ABCC2: variants seen among roughly 807,000 people sequenced by gnomAD.
The protein encoded by ABCC2 is ATP binding cassette subfamily C member 2, also known as ATP-binding cassette sub-family C member 2.
ABCC2 carries 157 observed loss-of-function variants against 173.4 expected under a neutral mutation model. The ratio of observed to expected loss-of-function variants is 0.91; its 90% CI spans 0.80 to 1.03. The LOEUF is 1.03. Among genes scored for constraint, ABCC2 ranks in the 50% least tolerant of loss-of-function variants. ABCC2 has a pLI of 0.00. For synonymous variants in ABCC2, 657 were observed against 693.5 expected (o/e 0.95, Z 0.83); for missense variants, 1,822 against 1,852.3 (o/e 0.98, Z 0.30).
chr10:99,793,623 TG>T lies in ABCC2; in HGVS notation c.408del (p.Trp136Ter). On this transcript the variant is annotated frameshift_variant, in exon 4 of 32. Coordinates refer to ENST00000647814, the MANE Select transcript of ABCC2 (RefSeq NM_000392.5). LOFTEE classifies it high-confidence loss of function. ...AAACTCCTGGTTCCTGTCCCTATTCTGGATTCTCTCGATACTCTGTGGCACT... is the reference window on the plus strand; with the variant it reads ...AAACTCCTGGTTCCTGTCCCTATTCTGATTCTCTCGATACTCTGTGGCACT... ...QKNSWFLSLFWILSILCGTFQ... is the reference protein window; with the variant it reads ...QKNSWFLSLFXILSILCGTFQ... The T allele has an allele frequency of 6.2e-7, 1 of 1,614,148 alleles. No homozygotes were observed.
chr10:99,808,196 C>G lies in ABCC2; in HGVS notation c.1782C>G (p.Ser594Arg). The G allele has an allele frequency of 6.2e-7, 1 of 1,614,138 alleles. No individual in the cohort carries two copies. The change falls in exon 13 of 32, where the codon AGC (serine) becomes AGG (arginine). Residue 594 changes from serine to arginine, a missense_variant. Physicochemically the swap from Ser to Arg is moderately radical, Grantham distance 110. Coordinates refer to ENST00000647814, the MANE Select transcript of ABCC2 (RefSeq NM_000392.5). ...TCAATATCCTGCGCTTTCCCCTGAG[C>G]ATGCTTCCCATGATGATCTCCTCCA... ...TLFNILRFPL[S>R]MLPMMISSML...
At chr10:99,805,819 A>C (rs564608905) in intron 11 of ABCC2, among the ~76,000 whole-genome samples, 1 of 152,322 alleles carries the variant, frequency 6.6e-6, no homozygotes, top group Admixed American at 6.5e-5. Flanking sequence ...CAAATCTCAG[A>C]GATCTTGTCA....
In ABCC2 at chr10:99,818,967, C is replaced by T. The variant is rs1315887347; in HGVS notation, c.2439+10C>T. 6 of 1,418,848 alleles carry T rather than the reference C, an allele frequency of 4.2e-6. No homozygotes were observed. The African/African-American group carries it at 8.6e-5, about 20-fold the overall frequency. The allele number at this position is 1,418,848 out of a possible 1,614,324, so 87.9% of individuals were successfully genotyped here. ...CCTGTTGAAAGGCAAGGTGAGAAAT[C>T]ATTGAACATGATGAAGATATAAAGG... On this transcript the variant is annotated intron_variant, in intron 18 of 31. Coordinates refer to ENST00000647814, the MANE Select transcript of ABCC2 (RefSeq NM_000392.5).
intron 12 of ABCC2, among the ~76,000 whole-genome samples, chr10:99,807,855 T>C (rs1298951975): frequency 1.3e-5 from 2 of 151,948 alleles, no homozygotes; most frequent in African/African-American, 2.4e-5. Flanking sequence ...AACACTGATA[T>C]AGGATCCAGG....
chr10:99,830,928 T>C (rs769402998), intron 21 of ABCC2, 77 bp downstream of exon 21: 48 of 1,532,240 alleles, frequency 3.1e-5, no homozygotes, highest in East Asian at 4.5e-5. Context: ...TCAGTGAAAA[T>C]TGAACGCATA....
At chr10:99,840,327 C>CT (rs2038915302) in intron 25 of ABCC2, among the ~76,000 whole-genome samples, 1 of 143,666 alleles carries the variant, frequency 7.0e-6, no homozygotes. Flanking sequence ...GTCAGCGCCG[C>CT]GACTGTCCTG....
chr10:99,806,077 C>CTCTGTGTGTGTGTGTGTGTGTGTG (rs10644836), intron 11 of ABCC2, among the ~76,000 whole-genome samples: 128 of 148,136 alleles, frequency 8.6e-4, no homozygotes, highest in African/African-American at 2.8e-3. Flanking sequence ...CTCTCTCTGT[C>CTCTGTGTGTGTGTGTGTGTGTGTG]TGTGTGTGTG....
chr10:99,818,901 G>A lies in ABCC2; in HGVS notation c.2383G>A (p.Val795Ile). ...DDPLSAVDAH[V>I]GKHIFNKVLG... The stretch of plus-strand genomic sequence containing the variant: ...CCCCCTGTCTGCAGTGGATGCTCAT[G>A]TAGGAAAACATATTTTTAATAAGGT... Residue 795 changes from valine to isoleucine, a missense_variant, in exon 18 of 32, where the codon GTA (valine) becomes ATA (isoleucine). Val to Ile is a conservative substitution (Grantham distance 29). Coordinates refer to ENST00000647814, the MANE Select transcript of ABCC2 (RefSeq NM_000392.5). The A allele has an allele frequency of 1.9e-6, 3 of 1,613,614 alleles. No individual in the cohort carries two copies. Among genetic ancestry groups the A allele is most frequent in the South Asian group, 1.1e-5 (1 of 91,070 alleles).
In ABCC2 at chr10:99,792,539, G is replaced by C. The variant is rs548958784; in HGVS notation, c.333+180G>C. ...AAATTTTAGCTTTTCATCTTCATTTGAGCATTAATGTATAGAGGCTTCTTC... is the reference window on the plus strand; with the variant it reads ...AAATTTTAGCTTTTCATCTTCATTTCAGCATTAATGTATAGAGGCTTCTTC... On this transcript the variant is annotated intron_variant, in intron 3 of 31. Transcript: ENST00000647814. Among the ~76,000 whole-genome samples the C allele has an allele frequency of 3.9e-5, 6 of 152,308 alleles. No individual in the cohort carries two copies. In the East Asian group the frequency reaches 1.2e-3, roughly 29 times the overall value.
intron 19 of ABCC2, among the ~76,000 whole-genome samples, chr10:99,825,924 G>A (rs1253808929): frequency 6.6e-6 from 1 of 152,236 alleles, no homozygotes; most frequent in African/African-American, 2.4e-5. Context: ...AAAACCCTGA[G>A]GAACAAATGG....
Position 99,842,088 on chromosome 10 carries a change from C to T in ABCC2, c.3736C>T (p.Leu1246Phe). The change falls in exon 26 of 32, where the codon CTC becomes TTC. Residue 1246 changes from leucine (L) to phenylalanine (F), a missense_variant. Leu to Phe is a conservative substitution (Grantham distance 22). Transcript: ENST00000647814. ...DTVGFVLSNA[L>F]NITQTLNWLV... is the part of the protein sequence containing the mutation. ...TGTTGGCTTTGTTCTGTCCAATGCA[C>T]TCAATGTGAGTTTGAAGGTTGGGAG... 6.2e-7 allele frequency: 1 copy of T among 1,614,154 alleles called. No individual in the cohort carries two copies. The highest frequency in any genetic ancestry group is 8.5e-7 in the Non-Finnish European group (1 of 1,180,020).
rs138121128 is a variant in ABCC2, at chr10:99,797,120, G to A, written c.656G>A (p.Arg219His). 121 of 1,614,124 alleles carry A rather than the reference G, an allele frequency of 7.5e-5. 1 individual carries two copies. The South Asian group carries it at 1.0e-3, about 13-fold the overall frequency. ...YDSIILKGYK[R>H]PLTLEDVWEV... Reference sequence around the variant, plus strand: ...AGCATCATTCTGAAAGGCTACAAGCGTCCTCTGACACTCGAGGATGTCTGG... The same window carrying A: ...AGCATCATTCTGAAAGGCTACAAGCATCCTCTGACACTCGAGGATGTCTGG... Residue 219 changes from arginine to histidine, a missense_variant, in exon 7 of 32, where the codon CGT becomes CAT. Coordinates refer to ENST00000647814, the MANE Select transcript of ABCC2 (RefSeq NM_000392.5).
chr10:99,804,207 T>A lies in ABCC2; in HGVS notation c.1398T>A (p.Gly466=), dbSNP rs1372772351. 1 of 1,613,976 alleles carries A rather than the reference T, an allele frequency of 6.2e-7. No individual in the cohort carries two copies. Among genetic ancestry groups the A allele is most frequent in the African/African-American group, 1.3e-5 (1 of 74,910 alleles). ...AGTTGGGACCCTCAGTCTTAGCAGG[T>A]GTTGGGGTGATGGTGCTTGTAATCC... ...WRELGPSVLA[G]VGVMVLVIPI... Residue 466 remains glycine (G), a synonymous_variant, in exon 10 of 32, where the codon GGT becomes GGA. Transcript: ENST00000647814.
In ABCC2 at chr10:99,800,575, A is replaced by G. The variant is rs1347908337; in HGVS notation, c.1209+12A>G. On this transcript the variant is annotated intron_variant, in intron 9 of 31. Transcript: ENST00000647814. Reference sequence around the variant, plus strand: ...CTGTATATAAGAAGGTAAGCAGAATACGGCAGGTATCACCAAAGAAAATCC... The same window carrying G: ...CTGTATATAAGAAGGTAAGCAGAATGCGGCAGGTATCACCAAAGAAAATCC... The G allele has an allele frequency of 6.2e-7, 1 of 1,614,070 alleles. No homozygotes were observed. Among genetic ancestry groups the G allele is most frequent in the Non-Finnish European group, 8.5e-7 (1 of 1,179,968 alleles).
intron 5 of ABCC2, 147 bp downstream of exon 5, chr10:99,794,146 T>A: frequency 1.6e-6 from 1 of 623,624 alleles, no homozygotes; most frequent in Non-Finnish European, 2.5e-6. Flanking sequence ...AAACAGATAG[T>A]GATGAGAGTA....
chr10:99,813,318 G>A (rs867607806), intron 16 of ABCC2, among the ~76,000 whole-genome samples, 174 bp downstream of exon 16: 11 of 152,294 alleles, frequency 7.2e-5, no homozygotes, highest in Middle Eastern at 6.8e-3. Flanking sequence ...TCAGTTGCTG[G>A]GGGTAAGATT....
At chr10:99,835,350 G>C (rs965360477) in intron 24 of ABCC2, among the ~76,000 whole-genome samples, 4 of 152,066 alleles carry the variant, frequency 2.6e-5, no homozygotes. Context: ...ACAAGAAGCA[G>C]GGTTATTGGA....
chr10:99,846,939 C>G, intron 29 of ABCC2, 22 bp from the exon 30 acceptor site: 1 of 1,614,028 alleles, frequency 6.2e-7, no homozygotes. Context: ...CCCCAACAGC[C>G]CCCTTGTCCT....
At chr10:99,824,387 A>G (rs77757770) in intron 19 of ABCC2, among the ~76,000 whole-genome samples, 95,467 of 136,666 alleles carry the variant, frequency 0.7, 30,326 homozygotes, top group East Asian at 0.8. Flanking sequence ...CCAGTCCTGC[A>G]TTGGCAACCT....
Sources: gnomAD v4.1 joint callset for allele counts (sites outside exome capture counted in the v4.1 genomes callset) on GRCh38, gnomAD v4.1.1 for gene constraint, MANE v1.5 for transcripts, NCBI Gene and HGNC (gene_info 2026-07-23, HGNC 2026-07-21) for gene names.